ACKR2: variants seen among roughly 807,000 people sequenced by gnomAD.
The protein encoded by ACKR2 is atypical chemokine receptor 2.
For synonymous variants in ACKR2, 207 were observed against 192.2 expected, an observed-to-expected ratio of 1.08 and a Z score of -0.64; for missense variants, 457 against 477.3, an observed-to-expected ratio of 0.96 and a Z score of 0.40.
intron 2 of ACKR2, among the ~76,000 whole-genome samples, chr3:42,859,001 A>G (rs2088351709): frequency 6.6e-6 from 1 of 152,114 alleles, no homozygotes; most frequent in African/African-American, 2.4e-5. Flanking sequence ...GAACGAACAA[A>G]GCCTCCAAGA....
At chr3:42,829,066 G>C (rs1427804) in intron 2 of ACKR2, among the ~76,000 whole-genome samples, 71,540 of 151,974 alleles carry the variant, frequency 0.47, 17,901 homozygotes, top group East Asian at 0.76. Flanking sequence ...CAGGTGTCCT[G>C]GTATAGAGTG....
At chr3:42,842,310 T>A (rs1701047146) in intron 2 of ACKR2, among the ~76,000 whole-genome samples, 1 of 152,230 alleles carries the variant, frequency 6.6e-6, no homozygotes, top group African/African-American at 2.4e-5. Flanking sequence ...ATCAAATGTG[T>A]GATTTTACTG....
At chr3:42,846,823 C>CTGGGCTA (rs1247462202) in intron 2 of ACKR2, among the ~76,000 whole-genome samples, 14 of 152,184 alleles carry the variant, frequency 9.2e-5, no homozygotes, top group Admixed American at 4.6e-4. Flanking sequence ...CCAGTGCTGG[C>CTGGGCTA]TGGGCTATGC....
chr3:42,825,635 T>C (rs1443617942), intron 2 of ACKR2, among the ~76,000 whole-genome samples: 1 of 151,682 alleles, frequency 6.6e-6, no homozygotes, highest in Admixed American at 6.6e-5. Context: ...GGATTTTCTA[T>C]ATACAAAATC....
chr3:42,834,910 T>C (rs1280638057), intron 2 of ACKR2, among the ~76,000 whole-genome samples: 1 of 150,190 alleles, frequency 6.7e-6, no homozygotes, highest in Admixed American at 6.7e-5. Flanking sequence ...TTTGAGACAG[T>C]TTCTCACTCT....
intron 2 of ACKR2, among the ~76,000 whole-genome samples, chr3:42,846,256 T>C (rs896156884): frequency 3.3e-5 from 5 of 152,280 alleles, no homozygotes; most frequent in Middle Eastern, 3.4e-3. Flanking sequence ...GATGGACAGA[T>C]GGGGTGATAA....
intron 2 of ACKR2, among the ~76,000 whole-genome samples, chr3:42,820,743 A>T (rs1006462634): frequency 1.4e-4 from 21 of 151,522 alleles, no homozygotes; most frequent in Admixed American, 1.2e-3. Context: ...AAAAAAAAAA[A>T]AGCTAGTAAC....
chr3:42,860,447 C>T (rs1419426506), intron 2 of ACKR2, among the ~76,000 whole-genome samples: 2 of 152,070 alleles, frequency 1.3e-5, no homozygotes, highest in African/African-American at 2.4e-5. Flanking sequence ...ATCAGCAAGA[C>T]AGAAAATTAA....
At position 42,865,370 on chromosome 3, in the gene ACKR2, C is replaced by A; in HGVS notation, c.868C>A (p.Leu290Ile). ...VFGNCEVSQH[L>I]DYALQVTESI... Reference sequence around the variant, plus strand: ...CGGGAACTGTGAGGTCAGCCAGCATCTAGACTACGCACTCCAGGTAACAGA... The same window carrying A: ...CGGGAACTGTGAGGTCAGCCAGCATATAGACTACGCACTCCAGGTAACAGA... The change falls in exon 3 of 3, where the codon CTA becomes ATA. Residue 290 changes from leucine to isoleucine, a missense_variant. Transcript: ENST00000422265. 6.2e-7 allele frequency: 1 copy of A among 1,614,210 alleles called. No individual in the cohort carries two copies. Among genetic ancestry groups the A allele is most frequent in the Non-Finnish European group, 8.5e-7 (1 of 1,180,046 alleles).
intron 2 of ACKR2, among the ~76,000 whole-genome samples, chr3:42,823,613 T>C (rs1398262792): frequency 6.6e-6 from 1 of 152,240 alleles, no homozygotes; most frequent in Non-Finnish European, 1.5e-5. Flanking sequence ...CTGCACTGTG[T>C]GCTCTTCTAA....
chr3:42,810,279 C>T (rs1329462799), intron 1 of ACKR2, among the ~76,000 whole-genome samples: 1 of 152,066 alleles, frequency 6.6e-6, no homozygotes, highest in African/African-American at 2.4e-5. Flanking sequence ...GTCAACTAAC[C>T]ATTTCAAACA....
At chr3:42,835,170 C>T (rs531751146) in intron 2 of ACKR2, 6 of 150,668 alleles carry the variant, frequency 4.0e-5, no homozygotes, top group South Asian at 2.2e-4. Flanking sequence ...TGAGCCAGCA[C>T]GATCGGCCTG....
intron 2 of ACKR2, among the ~76,000 whole-genome samples, chr3:42,833,925 T>C (rs1377649885): frequency 6.6e-6 from 1 of 152,206 alleles, no homozygotes; most frequent in African/African-American, 2.4e-5. Context: ...TGTCACATTT[T>C]GGTAATTCAT....
In ACKR2 at chr3:42,865,469, C is replaced by T; in HGVS notation, c.967C>T (p.Leu323=). 1.2e-6 allele frequency: 2 copies of T among 1,614,206 alleles called. No homozygotes were observed. ...AFSSHRFRQY[L]KAFLAAVLGW... is the part of the protein sequence containing the mutation. ...CTCCAGTCACCGCTTCCGCCAGTAC[C>T]TGAAGGCTTTCCTGGCTGCCGTGCT... Residue 323 remains leucine (L), a synonymous_variant, in exon 3 of 3, where the codon CTG becomes TTG. Transcript: ENST00000422265.
rs200987829 is a variant in ACKR2 at position 42,865,402 on chromosome 3, C to G, written c.900C>G (p.Ile300Met). ...LDYALQVTES[I>M]AFLHCCFSPI... The stretch of plus-strand genomic sequence containing the variant: ...ACGCACTCCAGGTAACAGAGAGCAT[C>G]GCCTTCCTTCACTGCTGCTTTTCCC... Residue 300 changes from isoleucine to methionine, a missense_variant, in exon 3 of 3, where the codon ATC (isoleucine) becomes ATG (methionine). By Grantham distance (10) the Ile-to-Met change is conservative. Transcript: ENST00000422265. The G allele has an allele frequency of 6.2e-7, 1 of 1,614,194 alleles. No homozygotes were observed. The highest frequency in any genetic ancestry group is 1.7e-5 in the Admixed American group (1 of 60,018).
In ACKR2 at chr3:42,865,296, C is replaced by T; in HGVS notation, c.794C>T (p.Pro265Leu). ...GTGGCCTTCTTCGTGCTATGGTTCC[C>T]ATACAATCTCACCTTGTTTCTGCAT... The part of the protein sequence containing the change: ...LVVAFFVLWF[P>L]YNLTLFLHTL... Residue 265 changes from proline to leucine, a missense_variant, in exon 3 of 3, where the codon CCA (proline) becomes CTA (leucine). Pro to Leu is a moderately conservative substitution (Grantham distance 98). Transcript: ENST00000422265. 6.2e-7 allele frequency: 1 copy of T among 1,614,222 alleles called. No individual in the cohort carries two copies. Among genetic ancestry groups the T allele is most frequent in the South Asian group, 1.1e-5 (1 of 91,080 alleles).
chr3:42,818,706 C>T (rs1234092583), intron 1 of ACKR2, among the ~76,000 whole-genome samples: 2 of 152,100 alleles, frequency 1.3e-5, no homozygotes, highest in Non-Finnish European at 2.9e-5. Context: ...TGATTACAGG[C>T]AAGTGCCACC....
At chr3:42,835,694 C>T (rs1409692087) in intron 2 of ACKR2, 2 of 152,226 alleles carry the variant, frequency 1.3e-5, no homozygotes, top group Non-Finnish European at 2.9e-5. Context: ...GTGGCCACTA[C>T]GAAGTCTACT....
At chr3:42,860,001 T>G (rs1026338678) in intron 2 of ACKR2, among the ~76,000 whole-genome samples, 4 of 151,668 alleles carry the variant, frequency 2.6e-5, no homozygotes, top group South Asian at 2.1e-4. Context: ...TAACCTTAAA[T>G]GTAAACAGGT....
Sources: allele counts gnomAD v4.1 joint callset (sites outside exome capture counted in the v4.1 genomes callset), GRCh38; gene constraint gnomAD v4.1.1; transcripts MANE v1.5; gene names NCBI Gene and HGNC (gene_info 2026-07-23, HGNC 2026-07-21).